The following ZNF804B variants were observed in gnomAD, a reference collection of about 807,000 sequenced individuals.
ZNF804B encodes zinc finger 804B.
ZNF804B carries 80 observed loss-of-function variants against 101.4 expected under a neutral mutation model. The observed-to-expected ratio is 0.79, with a 90% CI of 0.66 to 0.95. The LOEUF (loss-of-function observed/expected upper bound fraction) is 0.95, where lower values mean the gene tolerates loss of function less well. Ranked by LOEUF, ZNF804B falls within the 40% of genes least tolerant of loss-of-function variation. The pLI is 0.00. For synonymous variants in ZNF804B, 622 were observed against 558.8 expected, an observed-to-expected ratio of 1.11 and a Z score of -1.59; for missense variants, 1,673 against 1,561.9, an observed-to-expected ratio of 1.07 and a Z score of -1.20.
At chr7:88,896,349 A>T (rs969023529) in intron 1 of ZNF804B, among the ~76,000 whole-genome samples, 1 of 152,152 alleles carries the variant, frequency 6.6e-6, no homozygotes, top group Non-Finnish European at 1.5e-5. Flanking sequence ...CTGCCTCTGG[A>T]ACTGTTTTGT....
intron 2 of ZNF804B, among the ~76,000 whole-genome samples, chr7:89,231,839 C>A (rs1172465922): frequency 2.0e-5 from 3 of 151,908 alleles, no homozygotes. Context: ...TTTTGTTAGA[C>A]TTTTAGGATT....
chr7:88,971,358 A>G (rs1793535348), intron 1 of ZNF804B, among the ~76,000 whole-genome samples: 2 of 151,696 alleles, frequency 1.3e-5, no homozygotes, highest in African/African-American at 4.8e-5. Flanking sequence ...AAGAAGACAA[A>G]ACTCAATAAG....
At chr7:88,802,090 C>T (rs1286602258) in intron 1 of ZNF804B, among the ~76,000 whole-genome samples, 1 of 151,934 alleles carries the variant, frequency 6.6e-6, no homozygotes, top group Non-Finnish European at 1.5e-5. Flanking sequence ...TTAAAAATGG[C>T]GGTATCTCCT....
chr7:89,330,827 C>A (rs1245858434), intron 3 of ZNF804B, among the ~76,000 whole-genome samples: 1 of 150,256 alleles, frequency 6.7e-6, no homozygotes, highest in East Asian at 2.0e-4. Flanking sequence ...ACAATAAGAG[C>A]AAAGAAATTT....
intron 1 of ZNF804B, among the ~76,000 whole-genome samples, chr7:88,950,702 T>C (rs945250212): frequency 7.2e-5 from 11 of 151,820 alleles, no homozygotes; most frequent in African/African-American, 2.7e-4. Flanking sequence ...TTTTAAGAAA[T>C]TGCTACCCAT....
At chr7:89,094,250 G>A (rs1789938120) in intron 1 of ZNF804B, among the ~76,000 whole-genome samples, 1 of 152,248 alleles carries the variant, frequency 6.6e-6, no homozygotes, top group East Asian at 1.9e-4. Context: ...ATGTCACGAT[G>A]CCTGTATAAA....
chr7:89,207,028 G>A (rs1335303198), intron 1 of ZNF804B, among the ~76,000 whole-genome samples: 1 of 152,186 alleles, frequency 6.6e-6, no homozygotes, highest in East Asian at 1.9e-4. Context: ...CCATGTTGCT[G>A]TCAGCATTTT....
Position 89,336,449 on chromosome 7 carries a change from A to C in ZNF804B, c.3467A>C (p.Asp1156Ala), listed in dbSNP as rs768190627. The C allele has an allele frequency of 1.2e-6, 2 of 1,614,094 alleles. No individual in the cohort carries two copies. The highest frequency in any genetic ancestry group is 1.7e-6 in the Non-Finnish European group (2 of 1,180,012). The change falls in exon 4 of 4, where the codon GAT (aspartate) becomes GCT (alanine). Residue 1156 changes from aspartate (D) to alanine (A), a missense_variant. By Grantham distance (126) the Asp-to-Ala change is moderately radical. Transcript: ENST00000333190. Reference protein sequence around the residue: ...QPITFSPDEIDKYKILQLQAQ... With the variant: ...QPITFSPDEIAKYKILQLQAQ... The stretch of plus-strand genomic sequence containing the variant: ...ATAACATTTTCTCCTGACGAAATAG[A>C]TAAATATAAGATCCTACAGCTACAA...
At chr7:88,962,845 A>G (rs939693008) in intron 1 of ZNF804B, among the ~76,000 whole-genome samples, 7 of 149,706 alleles carry the variant, frequency 4.7e-5, no homozygotes, top group African/African-American at 1.7e-4. Flanking sequence ...TTTTTTCTGT[A>G]ACAGAAATGT....
At chr7:89,153,011 A>C (rs1052656556) in intron 1 of ZNF804B, among the ~76,000 whole-genome samples, 3 of 152,138 alleles carry the variant, frequency 2.0e-5, no homozygotes, top group African/African-American at 7.2e-5. Context: ...TTTGTAAATA[A>C]AGATTATAAA....
intron 1 of ZNF804B, among the ~76,000 whole-genome samples, chr7:89,065,981 A>T (rs907310185): frequency 3.3e-5 from 5 of 152,164 alleles, no homozygotes; most frequent in Admixed American, 3.3e-4. Context: ...ATTAGAAAGT[A>T]GACATCTTGG....
chr7:89,016,031 A>G (rs1290090112), intron 1 of ZNF804B, among the ~76,000 whole-genome samples: 5 of 152,284 alleles, frequency 3.3e-5, no homozygotes, highest in African/African-American at 9.6e-5. Flanking sequence ...TTGCCATTCT[A>G]ACTGGTGTGA....
chr7:88,991,277 A>T (rs1489804725), intron 1 of ZNF804B, among the ~76,000 whole-genome samples: 1 of 152,138 alleles, frequency 6.6e-6, no homozygotes, highest in Non-Finnish European at 1.5e-5. Flanking sequence ...CAAGATATTG[A>T]TTTCCCTCTG....
At position 89,264,356 on chromosome 7, in the gene ZNF804B, C is replaced by T. The variant is rs150070475; in HGVS notation, c.249+46061C>T. 3.2e-3 allele frequency among the ~76,000 whole-genome samples: 490 copies of T among 152,302 alleles called. 2 individuals are homozygous for T. Among genetic ancestry groups the T allele is most frequent in the Non-Finnish European group, 5.5e-3 (372 of 68,026 alleles). On this transcript the variant is annotated intron_variant, in intron 2 of 3. Transcript: ENST00000333190. ...AGGGAGAGCAGCCAGCACACACCGT[C>T]CTGTCTGTATCACATATCTCAAACT...
At chr7:89,174,355 T>A (rs934041941) in intron 1 of ZNF804B, among the ~76,000 whole-genome samples, 28 of 152,196 alleles carry the variant, frequency 1.8e-4, no homozygotes, top group African/African-American at 6.3e-4. Context: ...AAAATTTGTT[T>A]TTGTGTGCCT....
chr7:89,058,750 G>A (rs1018816049), intron 1 of ZNF804B, among the ~76,000 whole-genome samples: 1 of 152,128 alleles, frequency 6.6e-6, no homozygotes, highest in Non-Finnish European at 1.5e-5. Context: ...CTGGAGTGCA[G>A]TGGTACAATT....
At chr7:89,112,579 G>A (rs893355863) in intron 1 of ZNF804B, among the ~76,000 whole-genome samples, 2 of 152,038 alleles carry the variant, frequency 1.3e-5, no homozygotes, top group Non-Finnish European at 2.9e-5. Context: ...TTCTTTTTAT[G>A]TAATTTTGTG....
chr7:89,229,368 A>T (rs1454915066), intron 2 of ZNF804B, among the ~76,000 whole-genome samples: 1 of 152,254 alleles, frequency 6.6e-6, no homozygotes, highest in Non-Finnish European at 1.5e-5. Flanking sequence ...TTAAAAGAAA[A>T]CTAATAGAGA....
chr7:88,854,410 T>C (rs145674501), intron 1 of ZNF804B, among the ~76,000 whole-genome samples: 2,093 of 132,062 alleles, frequency 0.016, 106 homozygotes, highest in African/African-American at 0.06. Context: ...TTTCTTTCTT[T>C]CTTCCTTTCT....
Sources: allele counts gnomAD v4.1 joint callset (sites outside exome capture counted in the v4.1 genomes callset), GRCh38; gene constraint gnomAD v4.1.1; transcripts MANE v1.5; gene names NCBI Gene and HGNC (gene_info 2026-07-23, HGNC 2026-07-21).